Variants in CCDC102A observed in about 807,000 individuals in gnomAD.
The protein encoded by CCDC102A is coiled-coil domain-containing protein 102A.
In CCDC102A, 40 loss-of-function variants were observed where a neutral mutation model predicts 55.5. The observed-to-expected ratio is 0.72, with a 90% CI of 0.56 to 0.94. The LOEUF (loss-of-function observed/expected upper bound fraction) is 0.94, where lower values mean the gene tolerates loss of function less well. Among genes scored for constraint, CCDC102A ranks in the 40% least tolerant of loss-of-function variants. CCDC102A has a pLI of 0.00. For synonymous variants in CCDC102A, 323 were observed against 339.0 expected (o/e 0.95, Z 0.52); for missense variants, 779 against 768.6 (o/e 1.01, Z -0.16).
rs767136231 is a variant in CCDC102A at position 57,512,793 on chromosome 16, T to A, written c.1601A>T (p.Asp534Val). 3.7e-6 allele frequency: 6 copies of A among 1,614,016 alleles called. No individual in the cohort carries two copies. Among genetic ancestry groups the A allele is most frequent in the Non-Finnish European group, 5.1e-6 (6 of 1,179,994 alleles). ...GTCCTCGTCCAGGTCACTGGTTCCA[T>A]CCTCGGCCTCCTCGGTGCCAAAGCG... is the stretch of plus-strand genomic sequence containing the variant. ...SARFGTEEAE[D>V]GTSDLDEDED... is the part of the protein sequence containing the mutation. The change falls in exon 9 of 9, where the codon GAT becomes GTT. Residue 534 changes from aspartate to valine, a missense_variant. Coordinates refer to ENST00000258214, the MANE Select transcript of CCDC102A (RefSeq NM_033212.4).
chr16:57,517,695 G>A (rs144784567), intron 6 of CCDC102A, among the ~76,000 whole-genome samples: 2 of 152,262 alleles, frequency 1.3e-5, no homozygotes, highest in East Asian at 3.9e-4. Context: ...CCAGGACCGT[G>A]GGCCTAAGCC....
At chr16:57,535,535 A>G (rs6499882) in intron 1 of CCDC102A, among the ~76,000 whole-genome samples, 56,526 of 151,698 alleles carry the variant, frequency 0.37, 10,888 homozygotes, top group African/African-American at 0.46. Flanking sequence ...AATGCCCCCG[A>G]GAGCACCTAC....
Position 57,516,336 on chromosome 16 carries a change from C to G in CCDC102A, c.1376G>C (p.Arg459Pro). ...HEAEVKKLRL[R>P]VEELKKELAQ... Reference sequence around the variant, plus strand: ...CAGCTCCTTCTTGAGCTCCTCCACCCGCAGCCGCAGCTTCTTCACCTCAGC... The same window carrying G: ...CAGCTCCTTCTTGAGCTCCTCCACCGGCAGCCGCAGCTTCTTCACCTCAGC... Residue 459 changes from arginine to proline, a missense_variant, in exon 7 of 9, where the codon CGG becomes CCG. Physicochemically the swap from Arg to Pro is moderately radical, Grantham distance 103 (BLOSUM62 -2). Transcript: ENST00000258214. This position sits in a 1 kb window ranked among gnomAD's most constrained non-coding sequence, Gnocchi z 4.4. 1 of 1,607,820 alleles carries G rather than the reference C, an allele frequency of 6.2e-7. No homozygotes were observed. The highest frequency in any genetic ancestry group is 8.5e-7 in the Non-Finnish European group (1 of 1,180,008).
intron 1 of CCDC102A, among the ~76,000 whole-genome samples, chr16:57,536,272 C>T (rs1294893669): frequency 6.6e-6 from 1 of 152,098 alleles, no homozygotes; most frequent in Non-Finnish European, 1.5e-5. Flanking sequence ...CATCACCCCG[C>T]GGCCCCTCCC....
chr16:57,525,075 TTTTATTTATTTATTTA>T (rs3030605), intron 3 of CCDC102A, among the ~76,000 whole-genome samples: 51 of 149,546 alleles, frequency 3.4e-4, no homozygotes, highest in African/African-American at 1.2e-3. Context: ...ACGCTCATCG[TTTTATTTATTTATTTA>T]TTTATTTATT....
rs1447893124 is a variant in CCDC102A at position 57,528,710 on chromosome 16, C to T, written c.468G>A (p.Glu156=). 24 of 1,126,194 alleles carry T rather than the reference C, an allele frequency of 2.1e-5. No homozygotes were observed. In the African/African-American group the frequency reaches 3.4e-4, roughly 16 times the overall value. The allele number at this position is 1,126,194 out of a possible 1,614,324, so 69.8% of individuals were successfully genotyped here. Residue 156 remains glutamate, a synonymous_variant, in exon 2 of 9, where the codon GAG becomes GAA. Transcript: ENST00000258214. ...CCCGGGCGCCCCTCAGCCGCGCCAGCTCGCGGCCCCGTGCCTCGCACTCGC... is the reference window on the plus strand; with the variant it reads ...CCCGGGCGCCCCTCAGCCGCGCCAGTTCGCGGCCCCGTGCCTCGCACTCGC... ...AQGECEARGR[E]LARLRGARGV...
intron 8 of CCDC102A, among the ~76,000 whole-genome samples, chr16:57,513,639 G>A (rs1186880808): frequency 6.6e-6 from 1 of 152,246 alleles, no homozygotes; most frequent in East Asian, 1.9e-4. Context: ...CCCACTTCTG[G>A]AGTTTATGGC....
chr16:57,513,463 G>C (rs577464467), intron 8 of CCDC102A, among the ~76,000 whole-genome samples: 2 of 152,214 alleles, frequency 1.3e-5, no homozygotes, highest in Non-Finnish European at 2.9e-5. Context: ...TTATTAACAC[G>C]TAAGGGAGGG....
rs1179226618 is a variant in CCDC102A at position 57,529,047 on chromosome 16, CTGGGCGGCG to C, written c.122_130del (p.Thr41_Pro43del). 5.3e-6 allele frequency: 6 copies of C among 1,125,816 alleles called. No homozygotes were observed. Among genetic ancestry groups the C allele is most frequent in the African/African-American group, 1.7e-5 (1 of 59,568 alleles). 69.7% of individuals were successfully genotyped at this position (1,125,816 alleles called of 1,614,324 possible). ...CGGCGGCCCGGGCGAGGGCGTGCCG[CTGGGCGGCG>C]TGGGCGGCAAGGAGTCGGCAGGCCC... On this transcript the variant is annotated inframe_deletion, in exon 2 of 9. Coordinates refer to ENST00000258214, the MANE Select transcript of CCDC102A (RefSeq NM_033212.4). This position sits in a 1 kb window ranked among gnomAD's most constrained non-coding sequence, Gnocchi z 4.1.
chr16:57,529,068 G>C lies in CCDC102A; in HGVS notation c.110C>G (p.Ser37Cys). The part of the protein sequence containing the change: ...PSPERMGPAD[S>C]LPPTPPSGTP... ...GCCGCTGGGCGGCGTGGGCGGCAAG[G>C]AGTCGGCAGGCCCCATGCGCTCCGG... Residue 37 changes from serine (S) to cysteine (C), a missense_variant, in exon 2 of 9, where the codon TCC becomes TGC. Coordinates refer to ENST00000258214, the MANE Select transcript of CCDC102A (RefSeq NM_033212.4). This position sits in a 1 kb window ranked among gnomAD's most constrained non-coding sequence, Gnocchi z 4.1. 1 of 1,155,498 alleles carries C rather than the reference G, an allele frequency of 8.7e-7. No homozygotes were observed. The allele number at this position is 1,155,498 out of a possible 1,614,324, so 71.6% of individuals were successfully genotyped here. A position where few individuals can be genotyped will look rare whatever the true frequency, so the allele number is the denominator to read the frequency against.
At chr16:57,515,489 T>C in intron 7 of CCDC102A, 45 bp from the exon 8 acceptor site, 1 of 1,355,502 alleles carries the variant, frequency 7.4e-7, no homozygotes, top group Non-Finnish European at 1.0e-6. Context: ...CACCCAGGGC[T>C]GGGCAAGGCC....
intron 2 of CCDC102A, among the ~76,000 whole-genome samples, chr16:57,527,815 G>A (rs555348300): frequency 1.3e-5 from 2 of 152,346 alleles, no homozygotes; most frequent in Admixed American, 6.5e-5. Flanking sequence ...GCACATGCTC[G>A]GCTAAGTGCT....
intron 5 of CCDC102A, 146 bp downstream of exon 5, chr16:57,518,479 T>G (rs1437544006): frequency 5.0e-6 from 4 of 797,722 alleles, no homozygotes; most frequent in African/African-American, 1.7e-5. Flanking sequence ...GAGGCCTGCC[T>G]CTTGCAGATC....
intron 8 of CCDC102A, among the ~76,000 whole-genome samples, chr16:57,513,800 C>T (rs9673629): frequency 2.6e-5 from 4 of 152,218 alleles, no homozygotes; most frequent in African/African-American, 7.2e-5. Context: ...ACTTTATGGG[C>T]GTCATCCCAG....
chr16:57,525,068 CTCA>C (rs1408614845), intron 3 of CCDC102A, among the ~76,000 whole-genome samples: 6 of 149,716 alleles, frequency 4.0e-5, no homozygotes, highest in African/African-American at 7.5e-5. Context: ...CTTGTCCACG[CTCA>C]TCGTTTTATT....
chr16:57,513,172 G>A (rs2031895287), intron 8 of CCDC102A, among the ~76,000 whole-genome samples: 1 of 152,218 alleles, frequency 6.6e-6, no homozygotes, highest in Non-Finnish European at 1.5e-5. Flanking sequence ...TGAAGGAGCT[G>A]GCTCAAGGTC....
chr16:57,512,954 T>G (rs2031892907), intron 8 of CCDC102A, 84 bp from the exon 9 acceptor site: 4 of 1,221,164 alleles, frequency 3.3e-6, no homozygotes, highest in Non-Finnish European at 2.3e-6. Context: ...CTGGAGCAGT[T>G]AAGCCTTCCC....
intron 3 of CCDC102A, among the ~76,000 whole-genome samples, chr16:57,524,720 T>TA (rs2032106328): frequency 1.5e-5 from 2 of 132,596 alleles, no homozygotes; most frequent in African/African-American, 7.1e-5. Flanking sequence ...TATTGATTTT[T>TA]TAAAAAGGAG....
intron 5 of CCDC102A, 130 bp downstream of exon 5, chr16:57,518,495 A>G: frequency 2.4e-6 from 2 of 835,032 alleles, no homozygotes; most frequent in African/African-American, 1.7e-5. Flanking sequence ...AGATCAGGAC[A>G]CCATTGGATG....
Sources: gnomAD v4.1 joint callset for allele counts (sites outside exome capture counted in the v4.1 genomes callset) on GRCh38, gnomAD v4.1.1 for gene constraint, Gnocchi (gnomAD v3.1) non-coding constraint, MANE v1.5 for transcripts, NCBI Gene and HGNC (gene_info 2026-07-23, HGNC 2026-07-21) for gene names.